The following AGAP1 variants were observed in gnomAD, a reference collection of about 807,000 sequenced individuals.
AGAP1 encodes ArfGAP with GTPase domain, ankyrin repeat and PH domain 1.
A neutral mutation model predicts 105.3 loss-of-function variants in AGAP1; 29 were observed. The ratio of observed to expected loss-of-function variants is 0.28; its 90% confidence interval spans 0.21 to 0.38. AGAP1 has a LOEUF of 0.38. Among genes scored for constraint, AGAP1 ranks in the 10% least tolerant of loss-of-function variants. AGAP1 has a pLI of 1.00. For missense variants in AGAP1, 998 were observed against 1,165.1 expected (o/e 0.86, Z 2.09); for synonymous variants, 509 against 485.9 (o/e 1.05, Z -0.63).
chr2:236,032,675 G>A (rs189096551), intron 13 of AGAP1, among the ~76,000 whole-genome samples: 2 of 152,260 alleles, frequency 1.3e-5, no homozygotes, highest in Admixed American at 6.5e-5. Flanking sequence ...GAAGAAAAGA[G>A]GTGATGATCT....
chr2:235,918,295 A>G (rs532380911), intron 11 of AGAP1, among the ~76,000 whole-genome samples: 2 of 152,348 alleles, frequency 1.3e-5, no homozygotes, highest in Admixed American at 6.5e-5. Flanking sequence ...ATTTTTCTGA[A>G]ATAAAACCTC....
intron 16 of AGAP1, among the ~76,000 whole-genome samples, chr2:236,086,655 T>A (rs905387557): frequency 1.3e-5 from 2 of 152,162 alleles, no homozygotes; most frequent in Non-Finnish European, 2.9e-5. Flanking sequence ...TTCAACATTC[T>A]TAGGATAAAA....
chr2:236,097,108 A>T (rs1458522756), intron 16 of AGAP1, among the ~76,000 whole-genome samples: 1 of 152,198 alleles, frequency 6.6e-6, no homozygotes, highest in Non-Finnish European at 1.5e-5. Flanking sequence ...CAAATCTTAA[A>T]TAAGTTTTTA....
rs879500669 is a variant in AGAP1 at position 236,129,715 on chromosome 2, C to T, written c.*5593C>T. 4 of 152,232 alleles carry T rather than the reference C, an allele frequency of 2.6e-5. No homozygotes were observed. The highest frequency in any genetic ancestry group is 4.4e-5 in the Non-Finnish European group (3 of 68,046). 9.4% of individuals were successfully genotyped at this position (152,232 alleles called of 1,614,324 possible). ...ACTGTTGAAATATTAATGGCCCCCC[C>T]ATTTAATCAGTGTGTCTGCGGCTTT... On this transcript the variant is annotated 3_prime_UTR_variant, in exon 18 of 18. Transcript: ENST00000304032. The surrounding 1 kb of genome is among the most constrained non-coding windows in gnomAD (Gnocchi z 6.2).
chr2:235,784,238 G>A (rs1553632342), intron 6 of AGAP1, among the ~76,000 whole-genome samples: 1 of 152,128 alleles, frequency 6.6e-6, no homozygotes, highest in Non-Finnish European at 1.5e-5. Context: ...CTCACAAGTA[G>A]AAGTGTACAG....
rs180713545 is a variant in AGAP1 at position 236,090,900 on chromosome 2, C to T, written c.2115-29292C>T. 1.7e-3 allele frequency among the ~76,000 whole-genome samples: 252 copies of T among 152,264 alleles called. No homozygotes were observed. The highest frequency in any genetic ancestry group is 3.7e-3 in the Admixed American group (57 of 15,292). ...GATTACAGGCATGCGCCACCATACC[C>T]GGCTAATTTTGCATTTTTAGTAGGG... On this transcript the variant is annotated intron_variant, in intron 16 of 17. Transcript: ENST00000304032. This position sits in a 1 kb window ranked among gnomAD's most constrained non-coding sequence, Gnocchi z 4.3.
rs1286008972 is a variant in AGAP1 at position 235,783,983 on chromosome 2, T to TGGAC, written c.674-13768_674-13765dup. ...TGAAATGGACGGACGGACGGACGGA[T>TGGAC]GGACGGACGGATGGATGGGTGGATA... On this transcript the variant is annotated intron_variant, in intron 6 of 17. Coordinates refer to ENST00000304032, the MANE Select transcript of AGAP1 (RefSeq NM_001037131.3). Among the ~76,000 whole-genome samples the TGGAC allele has an allele frequency of 2.0e-5, 3 of 149,776 alleles. No homozygotes were observed. In the South Asian group the frequency reaches 6.3e-4, roughly 31 times the overall value.
intron 9 of AGAP1, among the ~76,000 whole-genome samples, chr2:235,854,118 C>T (rs1251012205): frequency 3.3e-5 from 5 of 152,112 alleles, no homozygotes; most frequent in Admixed American, 1.3e-4. Flanking sequence ...GAGAGTGGAG[C>T]CGCTGTGTTG....
chr2:235,607,261 T>C (rs1574953072), intron 1 of AGAP1, among the ~76,000 whole-genome samples: 1 of 152,336 alleles, frequency 6.6e-6, no homozygotes, highest in East Asian at 1.9e-4. Context: ...ATAGGACATT[T>C]TGTTGAAGCC....
intron 6 of AGAP1, among the ~76,000 whole-genome samples, chr2:235,772,637 G>C (rs1317819817): frequency 1.3e-5 from 2 of 152,190 alleles, no homozygotes; most frequent in Non-Finnish European, 2.9e-5. Context: ...CTTCTTCTGG[G>C]AATGCCTCTC....
chr2:236,046,025 G>C lies in AGAP1; in HGVS notation c.1892-3034G>C, dbSNP rs1005419439. On this transcript the variant is annotated intron_variant, in intron 15 of 17. Transcript: ENST00000304032. This position sits in a 1 kb window ranked among gnomAD's most constrained non-coding sequence, Gnocchi z 5.2. ...GGACCTGACAGCCTGGGAGCTGCTG[G>C]GGGGAGGTAGGAGGGGGTGCACCAC... 1 of 471,444 alleles carries C rather than the reference G, an allele frequency of 2.1e-6. No homozygotes were observed. The highest frequency in any genetic ancestry group is 4.4e-6 in the Non-Finnish European group (1 of 227,078). The allele number at this position is 471,444 out of a possible 1,614,324, so 29.2% of individuals were successfully genotyped here.
In AGAP1 at chr2:235,497,636, G is replaced by A. The variant is rs1056190895; in HGVS notation, c.163+2787G>A. 8.5e-5 allele frequency among the ~76,000 whole-genome samples: 13 copies of A among 152,172 alleles called. 1 individual carries two copies. On this transcript the variant is annotated intron_variant, in intron 1 of 17. Transcript: ENST00000304032. ...TTTTGAGACGGAGTCTCGCTCTGTC[G>A]CCCAGGCTGGAGTGCAGCGGCGCAA...
At chr2:235,542,840 T>TCTCAGACC (rs2149098279) in intron 1 of AGAP1, among the ~76,000 whole-genome samples, 1 of 152,312 alleles carries the variant, frequency 6.6e-6, no homozygotes, top group African/African-American at 2.4e-5. Flanking sequence ...TCCCTGTGTT[T>TCTCAGACC]CTCAGACCGA....
In AGAP1 at chr2:236,130,158, G is replaced by A. The variant is rs1031994558; in HGVS notation, c.*6036G>A. ...AGGCAGCTGTGGCATCCGACCTTGG[G>A]ACGCCCAAGCTGGGCAGCCGCTCCA... On this transcript the variant is annotated 3_prime_UTR_variant, in exon 18 of 18. Coordinates refer to ENST00000304032, the MANE Select transcript of AGAP1 (RefSeq NM_001037131.3). This position sits in a 1 kb window ranked among gnomAD's most constrained non-coding sequence, Gnocchi z 5.8. The A allele has an allele frequency of 1.3e-5, 2 of 152,262 alleles. No individual in the cohort carries two copies. Among genetic ancestry groups the A allele is most frequent in the Non-Finnish European group, 2.9e-5 (2 of 68,094 alleles). The allele number at this position is 152,262 out of a possible 1,614,324, so 9.4% of individuals were successfully genotyped here. A position where few individuals can be genotyped will look rare whatever the true frequency, so the allele number is the denominator to read the frequency against.
At chr2:235,707,096 C>T (rs60995938) in intron 1 of AGAP1, among the ~76,000 whole-genome samples, 11,623 of 152,184 alleles carry the variant, frequency 0.076, 1,456 homozygotes, top group African/African-American at 0.26. Context: ...AATTTTGCGC[C>T]CCCGATATTT....
At chr2:236,102,200 A>T (rs377613433) in intron 16 of AGAP1, among the ~76,000 whole-genome samples, 31 of 151,988 alleles carry the variant, frequency 2.0e-4, no homozygotes, top group African/African-American at 7.5e-4. Flanking sequence ...GGCGGATCAC[A>T]AGGTCAGGAG....
At chr2:235,580,366 G>A (rs1180500357) in intron 1 of AGAP1, among the ~76,000 whole-genome samples, 1 of 151,736 alleles carries the variant, frequency 6.6e-6, no homozygotes, top group Non-Finnish European at 1.5e-5. Context: ...CGTGCCGGCC[G>A]CTTACATTTT....
chr2:235,817,511 CA>C (rs1958525715), intron 9 of AGAP1, among the ~76,000 whole-genome samples: 1 of 151,510 alleles, frequency 6.6e-6, no homozygotes, highest in Non-Finnish European at 1.5e-5. Flanking sequence ...GTTTTGAAAC[CA>C]AAACACTCTT....
At chr2:235,581,134 C>CAAAAAAAA (rs60330965) in intron 1 of AGAP1, among the ~76,000 whole-genome samples, 1 of 88,280 alleles carries the variant, frequency 1.1e-5, no homozygotes, top group African/African-American at 4.1e-5. Flanking sequence ...CCATCTCAAG[C>CAAAAAAAA]AAAAAAAAAA....
Sources: allele counts gnomAD v4.1 joint callset (sites outside exome capture counted in the v4.1 genomes callset), GRCh38; gene constraint gnomAD v4.1.1; non-coding constraint Gnocchi (gnomAD v3.1); transcripts MANE v1.5; gene names NCBI Gene and HGNC (gene_info 2026-07-23, HGNC 2026-07-21).